The following AUTS2 variants were observed in gnomAD, a reference collection of about 807,000 sequenced individuals.
The protein encoded by AUTS2 is activator of transcription and developmental regulator AUTS2.
AUTS2 carries 17 observed loss-of-function variants against 112.4 expected under a neutral mutation model. The observed-to-expected ratio is 0.15, with a 90% CI of 0.10 to 0.23. AUTS2 has a LOEUF of 0.23. Among genes scored for constraint, AUTS2 ranks in the 10% least tolerant of loss-of-function variants. The probability of loss-of-function intolerance (pLI) is 1.00; values close to 1 mark genes in which losing one functional copy is unlikely to be tolerated. For synonymous variants in AUTS2, 751 were observed against 702.7 expected (o/e 1.07, Z -1.09); for missense variants, 1,510 against 1,701.6 (o/e 0.89, Z 1.98).
chr7:70,701,104 G>C (rs1231298383), intron 6 of AUTS2, among the ~76,000 whole-genome samples: 1 of 152,212 alleles, frequency 6.6e-6, no homozygotes, highest in East Asian at 1.9e-4. Flanking sequence ...TCCCTCTCAA[G>C]AGACTGGTAG....
At chr7:70,646,435 G>T (rs773800386) in intron 5 of AUTS2, among the ~76,000 whole-genome samples, 2 of 152,142 alleles carry the variant, frequency 1.3e-5, no homozygotes, top group Non-Finnish European at 2.9e-5. Flanking sequence ...GCCGTCAAGC[G>T]TGCATCTCAC....
intron 2 of AUTS2, among the ~76,000 whole-genome samples, chr7:69,921,432 C>T (rs1409405319): frequency 7.0e-6 from 1 of 142,168 alleles, no homozygotes. Flanking sequence ...GAAAACCAGA[C>T]ATTTATGAAA....
chr7:69,947,140 G>A (rs1022551530), intron 2 of AUTS2, among the ~76,000 whole-genome samples: 2 of 152,168 alleles, frequency 1.3e-5, no homozygotes, highest in Admixed American at 6.6e-5. Flanking sequence ...GAGCCATTGC[G>A]GCTTACACAG....
intron 1 of AUTS2, among the ~76,000 whole-genome samples, chr7:69,842,115 C>T (rs1218924505): frequency 6.6e-6 from 1 of 152,098 alleles, no homozygotes; most frequent in Non-Finnish European, 1.5e-5. Flanking sequence ...AGATTTCTAG[C>T]TCATGCATGC....
At chr7:69,696,145 T>G (rs1458103532) in intron 1 of AUTS2, among the ~76,000 whole-genome samples, 1 of 152,184 alleles carries the variant, frequency 6.6e-6, no homozygotes, top group Non-Finnish European at 1.5e-5. Flanking sequence ...ACAAATTTAG[T>G]TTTGCAGAGC....
chr7:69,895,493 C>T (rs1416937439), intron 1 of AUTS2, among the ~76,000 whole-genome samples: 1 of 151,962 alleles, frequency 6.6e-6, no homozygotes, highest in Non-Finnish European at 1.5e-5. Flanking sequence ...TTTCTTCTTA[C>T]CTCTTAAGCC....
At chr7:69,723,039 G>A (rs1352442505) in intron 1 of AUTS2, among the ~76,000 whole-genome samples, 1 of 152,072 alleles carries the variant, frequency 6.6e-6, no homozygotes, top group African/African-American at 2.4e-5. Context: ...TCAGAAGCAA[G>A]AGGGAGGATT....
At chr7:70,231,684 C>T (rs904557800) in intron 4 of AUTS2, among the ~76,000 whole-genome samples, 1 of 152,074 alleles carries the variant, frequency 6.6e-6, no homozygotes, top group African/African-American at 2.4e-5. Context: ...ACCTCGTGAT[C>T]TGCCCGCCTC....
At chr7:70,687,887 C>G (rs912965350) in intron 5 of AUTS2, among the ~76,000 whole-genome samples, 3 of 152,160 alleles carry the variant, frequency 2.0e-5, no homozygotes, top group Admixed American at 1.3e-4. Context: ...TCAGCCTACA[C>G]AGAAGAAATC....
intron 4 of AUTS2, among the ~76,000 whole-genome samples, chr7:70,220,944 T>C (rs1811447051): frequency 6.6e-6 from 1 of 152,246 alleles, no homozygotes; most frequent in Non-Finnish European, 1.5e-5. Context: ...TATCCTCTTT[T>C]GTTTTAGAAT....
At chr7:70,256,822 T>TA (rs1584940324) in intron 4 of AUTS2, among the ~76,000 whole-genome samples, 1 of 152,222 alleles carries the variant, frequency 6.6e-6, no homozygotes, top group African/African-American at 2.4e-5. Context: ...TGGACAGAGA[T>TA]AGAAAGTACT....
chr7:70,433,250 C>G (rs1795749326), intron 4 of AUTS2, among the ~76,000 whole-genome samples: 1 of 152,166 alleles, frequency 6.6e-6, no homozygotes, highest in South Asian at 2.1e-4. Context: ...CCAGCTACCC[C>G]ACTCCTCGTC....
chr7:70,390,372 A>G (rs2129720651), intron 4 of AUTS2, among the ~76,000 whole-genome samples: 1 of 152,244 alleles, frequency 6.6e-6, no homozygotes, highest in East Asian at 1.9e-4. Context: ...TACAAGGACA[A>G]CACTCTGAGG....
intron 6 of AUTS2, among the ~76,000 whole-genome samples, chr7:70,762,546 G>C (rs1432511577): frequency 6.6e-6 from 1 of 152,138 alleles, no homozygotes; most frequent in Non-Finnish European, 1.5e-5. Flanking sequence ...GAGATTACAG[G>C]TGTGAGCCCC....
At chr7:70,337,751 CAT>C (rs1274062990) in intron 4 of AUTS2, among the ~76,000 whole-genome samples, 7 of 152,182 alleles carry the variant, frequency 4.6e-5, no homozygotes, top group Admixed American at 2.0e-4. Flanking sequence ...TCTCTGCACA[CAT>C]GTGTGTTCAT....
At chr7:70,115,142 C>T (rs924654209) in intron 2 of AUTS2, among the ~76,000 whole-genome samples, 1 of 152,098 alleles carries the variant, frequency 6.6e-6, no homozygotes, top group Non-Finnish European at 1.5e-5. Context: ...AGATAATTTA[C>T]GTCAGGTCCA....
chr7:70,724,042 C>T (rs1368310526), intron 6 of AUTS2, among the ~76,000 whole-genome samples: 1 of 152,040 alleles, frequency 6.6e-6, no homozygotes, highest in African/African-American at 2.4e-5. Flanking sequence ...TGGGCACCTG[C>T]CACCACACCT....
intron 4 of AUTS2, among the ~76,000 whole-genome samples, chr7:70,281,010 AT>A (rs1017015750): frequency 5.3e-5 from 8 of 151,936 alleles, no homozygotes; most frequent in East Asian, 1.9e-4. Flanking sequence ...CCACGTTCTT[AT>A]TTTTTTTATC....
At chr7:70,758,545 G>A (rs1012843) in intron 6 of AUTS2, among the ~76,000 whole-genome samples, 15 of 152,204 alleles carry the variant, frequency 9.9e-5, no homozygotes, top group South Asian at 4.1e-4. Context: ...CGTAAAGTAC[G>A]CAATGTAATT....
Sources: gnomAD v4.1 joint callset for allele counts (sites outside exome capture counted in the v4.1 genomes callset) on GRCh38, gnomAD v4.1.1 for gene constraint, MANE v1.5 for transcripts, NCBI Gene and HGNC (gene_info 2026-07-23, HGNC 2026-07-21) for gene names.